Variants in F8 observed in about 807,000 individuals in gnomAD.
F8 encodes the protein coagulation factor VIII.
In F8, 12 loss-of-function variants were observed where a neutral mutation model predicts 140.6. That is an observed-to-expected ratio of 0.09 (90% CI 0.05 to 0.14). The LOEUF (loss-of-function observed/expected upper bound fraction) is 0.14. F8 is among the 10% of genes least tolerant of loss of function. The pLI, the probability that F8 is intolerant of heterozygous loss-of-function variation, is 1.00. For synonymous variants in F8, 585 were observed against 614.6 expected, an observed-to-expected ratio of 0.95 and a Z score of 0.71; for missense variants, 1,354 against 1,720.7, an observed-to-expected ratio of 0.79 and a Z score of 3.77.
chrX:154,895,018 C>G (rs1196534718), intron 22 of F8, among the ~76,000 whole-genome samples: 1 of 111,521 alleles, frequency 9.0e-6, no homozygotes, highest in East Asian at 2.9e-4. Flanking sequence ...GTTATGACAG[C>G]AAGTTTTGAA....
At chrX:154,870,532 C>T (rs1234914835) in intron 22 of F8, among the ~76,000 whole-genome samples, 3 of 111,435 alleles carry the variant, frequency 2.7e-5, no homozygotes, top group African/African-American at 9.8e-5. Flanking sequence ...AACTATGTAT[C>T]GGTGGAACAT....
At position 154,880,132 on chromosome X, in the gene F8, G is replaced by A. The variant is rs190936816; in HGVS notation, c.6429+15945C>T. Among the ~76,000 whole-genome samples the A allele has an allele frequency of 4.4e-3, 491 of 112,090 alleles. 6 individuals carry two copies. The Middle Eastern group carries it at 0.047, about 11-fold the overall frequency. On this transcript the variant is annotated intron_variant, in intron 22 of 25. Coordinates refer to ENST00000360256, the MANE Select transcript of F8 (RefSeq NM_000132.4). ...ATAATACCATCCCAAGTTGAGGAGC[G>A]TCTGCAATTTAAAACATCTGTTCAA...
intron 8 of F8, 44 bp downstream of exon 8, chrX:154,966,382 T>G: frequency 8.3e-7 from 1 of 1,202,609 alleles, no homozygotes; most frequent in Non-Finnish European, 1.1e-6. Flanking sequence ...AAGAACTTTT[T>G]GAGTATGGGG....
At chrX:154,874,323 TC>T (rs2072796196) in intron 22 of F8, among the ~76,000 whole-genome samples, 1 of 112,758 alleles carries the variant, frequency 8.9e-6, no homozygotes, top group Admixed American at 9.4e-5. Context: ...TATTATGGAC[TC>T]TAATTTATTA....
chrX:154,934,232 C>T (rs782622595), intron 13 of F8, among the ~76,000 whole-genome samples: 1 of 111,970 alleles, frequency 8.9e-6, no homozygotes, highest in South Asian at 3.7e-4. Context: ...AGAGTGGATG[C>T]TCATGGCTGG....
At chrX:154,862,356 A>G (rs1209594554) in intron 23 of F8, among the ~76,000 whole-genome samples, 1 of 111,528 alleles carries the variant, frequency 9.0e-6, no homozygotes, top group African/African-American at 3.3e-5. Flanking sequence ...TTTTCCAGCC[A>G]GCTCTTCCCA....
intron 13 of F8, among the ~76,000 whole-genome samples, chrX:154,935,214 A>T (rs2073217395): frequency 9.0e-6 from 1 of 111,623 alleles, no homozygotes; most frequent in Non-Finnish European, 1.9e-5. Flanking sequence ...GTAATAAAAA[A>T]AATGTTGCCA....
chrX:154,943,907 A>C (rs1557280072), intron 13 of F8, among the ~76,000 whole-genome samples: 2 of 111,914 alleles, frequency 1.8e-5, no homozygotes. Flanking sequence ...TGAGAAAAAT[A>C]AGCAGTGGGG....
rs782754269 is a variant in F8, at chrX:154,904,300, G to A, written c.5811C>T (p.Phe1937=). 8.3e-7 allele frequency: 1 copy of A among 1,201,618 alleles called. No homozygotes were observed. The highest frequency in any genetic ancestry group is 3.0e-5 in the East Asian group (1 of 33,815). ...EDPTFKENYR[F]HAINGYIMDT... Reference sequence around the variant, plus strand: ...TTTGGATGTGGAATATATTACCATGGAAGCGATAATTCTCTTTAAAAGTGG... The same window carrying A: ...TTTGGATGTGGAATATATTACCATGAAAGCGATAATTCTCTTTAAAAGTGG... Residue 1937 remains phenylalanine (F), a synonymous_variant, in exon 17 of 26, where the codon TTC becomes TTT. Transcript: ENST00000360256.
intron 1 of F8, among the ~76,000 whole-genome samples, chrX:155,002,739 C>T (rs1025232689): frequency 9.0e-6 from 1 of 111,182 alleles, no homozygotes; most frequent in African/African-American, 3.3e-5. Context: ...AGCCAGAAGT[C>T]GAGTTGCTGG....
Position 154,996,959 on chromosome X carries a change from G to A in F8, c.388+14C>T. The A allele has an allele frequency of 1.7e-6, 2 of 1,209,079 alleles. No individual in the cohort carries two copies. The highest frequency in any genetic ancestry group is 1.7e-5 in the African/African-American group (1 of 57,535). ...TCATAGAATGACAGGACAATAGGAG[G>A]GTATTTTACTCACCCTCAGAAGCTT... On this transcript the variant is annotated intron_variant, in intron 3 of 25. Coordinates refer to ENST00000360256, the MANE Select transcript of F8 (RefSeq NM_000132.4).
chrX:154,906,135 G>C (rs1426044341), intron 15 of F8, among the ~76,000 whole-genome samples: 2 of 111,191 alleles, frequency 1.8e-5, no homozygotes, highest in Non-Finnish European at 3.8e-5. Flanking sequence ...TCATATAATA[G>C]ACTATTATGC....
In F8 at chrX:154,858,502, T is replaced by C. The variant is rs989795706; in HGVS notation, c.6900+1930A>G. Among the ~76,000 whole-genome samples, 4 of 112,502 alleles carry C rather than the reference T, an allele frequency of 3.6e-5. 1 individual carries two copies. The highest frequency in any genetic ancestry group is 2.8e-4 in the Admixed American group (3 of 10,644). ...GAACTACTGCTTCACAATGGAGGTA[T>C]GGAAGAGTGTGTCTGGAATACAATA... On this transcript the variant is annotated intron_variant, in intron 25 of 25. Coordinates refer to ENST00000360256, the MANE Select transcript of F8 (RefSeq NM_000132.4).
intron 12 of F8, among the ~76,000 whole-genome samples, chrX:154,948,336 T>C (rs1183148816): frequency 9.0e-6 from 1 of 111,528 alleles, no homozygotes; most frequent in Non-Finnish European, 1.9e-5. Flanking sequence ...AATGACAGCA[T>C]TGGTTGATAC....
chrX:154,910,890 T>C (rs1309883692), intron 14 of F8, among the ~76,000 whole-genome samples: 3 of 110,628 alleles, frequency 2.7e-5, no homozygotes, highest in East Asian at 2.9e-4. Flanking sequence ...TTCTATTTAC[T>C]GAGAAAAGAG....
At chrX:154,968,040 A>G (rs1323942790) in intron 7 of F8, among the ~76,000 whole-genome samples, 1 of 112,061 alleles carries the variant, frequency 8.9e-6, no homozygotes, top group African/African-American at 3.2e-5. Flanking sequence ...ATGCTATTAA[A>G]TATAAAAGAT....
At position 154,862,226 on chromosome X, in the gene F8, C is replaced by CAG. The variant is rs1488443042; in HGVS notation, c.6575-361_6575-360insCT. On this transcript the variant is annotated intron_variant, in intron 23 of 25. Coordinates refer to ENST00000360256, the MANE Select transcript of F8 (RefSeq NM_000132.4). The stretch of plus-strand genomic sequence containing the variant: ...TATTTTTAGTAGAGTTGGGGTTTCA[C>CAG]TATGTTAGCCAGGATGGTCTTGATC... Among the ~76,000 whole-genome samples, 18 of 110,423 alleles carry CAG rather than the reference C, an allele frequency of 1.6e-4. No individual in the cohort carries two copies. In the Admixed American group the frequency reaches 1.7e-3, roughly 11 times the overall value.
intron 9 of F8, among the ~76,000 whole-genome samples, chrX:154,965,619 C>T (rs782365444): frequency 9.0e-6 from 1 of 111,397 alleles, no homozygotes; most frequent in East Asian, 2.8e-4. Context: ...AATGTAAAAT[C>T]TCATCTAAGC....
In F8 at chrX:154,976,092, C is replaced by T. The variant is rs782497285; in HGVS notation, c.788-6540G>A. On this transcript the variant is annotated intron_variant, in intron 6 of 25. Coordinates refer to ENST00000360256, the MANE Select transcript of F8 (RefSeq NM_000132.4). The stretch of plus-strand genomic sequence containing the variant: ...TGTATTTTTAGTAGAGATGGAGTTT[C>T]GCCATTTGGCCAGGCTGGTCTCGAA... Among the ~76,000 whole-genome samples, 22 of 111,438 alleles carry T rather than the reference C, an allele frequency of 2.0e-4. No individual in the cohort carries two copies. The South Asian group carries it at 6.1e-3, about 31-fold the overall frequency.
Sources: gnomAD v4.1 joint callset for allele counts (sites outside exome capture counted in the v4.1 genomes callset) on GRCh38, gnomAD v4.1.1 for gene constraint, MANE v1.5 for transcripts, NCBI Gene and HGNC (gene_info 2026-07-23, HGNC 2026-07-21) for gene names.